The following RRM2 variants were observed in gnomAD, a reference collection of about 807,000 sequenced individuals.
RRM2 encodes ribonucleotide reductase regulatory subunit M2.
Under a neutral mutation model 45.9 loss-of-function variants are expected in RRM2, and 6 were observed. The observed-to-expected ratio is 0.13, with a 90% CI of 0.07 to 0.26. RRM2 has a LOEUF of 0.26. Among genes scored for constraint, RRM2 ranks in the 10% least tolerant of loss-of-function variants. RRM2 has a pLI of 1.00. For missense variants in RRM2, 343 were observed against 489.5 expected, an observed-to-expected ratio of 0.70 and a Z score of 2.82; for synonymous variants, 177 against 173.0, an observed-to-expected ratio of 1.02 and a Z score of -0.18.
At chr2:10,207,117 T>C (rs143277598) in intron 3 of RRM2, among the ~76,000 whole-genome samples, 9 of 152,284 alleles carry the variant, frequency 5.9e-5, no homozygotes, top group African/African-American at 2.2e-4. Context: ...GCCCAGCGCC[T>C]CCTGGGACTT....
chr2:10,142,828 G>A (rs1001163506), intron 3 of RRM2, among the ~76,000 whole-genome samples: 3 of 152,168 alleles, frequency 2.0e-5, no homozygotes, highest in African/African-American at 7.2e-5. Flanking sequence ...CGGGCTCCCC[G>A]CTCACCTCTG....
intron 3 of RRM2, among the ~76,000 whole-genome samples, chr2:10,192,137 G>A (rs1179706537): frequency 3.3e-5 from 5 of 151,836 alleles, no homozygotes; most frequent in Non-Finnish European, 5.9e-5. Context: ...CGCAGCCACC[G>A]TCCCAAGAGA....
chr2:10,200,121 C>T (rs1325949254), intron 3 of RRM2, among the ~76,000 whole-genome samples: 1 of 152,164 alleles, frequency 6.6e-6, no homozygotes, highest in East Asian at 1.9e-4. Context: ...AAGTGAACCA[C>T]CGCACCCAGC....
chr2:10,191,363 T>A (rs1403594109), intron 3 of RRM2, among the ~76,000 whole-genome samples: 1 of 152,178 alleles, frequency 6.6e-6, no homozygotes, highest in Admixed American at 6.5e-5. Context: ...CTTAGGAAGG[T>A]TAATAAGATC....
rs1437439946 is a variant in RRM2, at chr2:10,205,018, C to T, written n.483-5293C>T. On this transcript the variant is annotated intron_variant and non_coding_transcript_variant, in intron 3 of 3. Transcript: ENST00000381786. This position sits in a 1 kb window ranked among gnomAD's most constrained non-coding sequence, Gnocchi z 4.8. ...TGAGCAAAGTCAGACGCAGTGGTTA[C>T]AAGCAACCCCACGTGGTCTGCTTCG... Among the ~76,000 whole-genome samples, 3 of 152,246 alleles carry T rather than the reference C, an allele frequency of 2.0e-5. No individual in the cohort carries two copies. The highest frequency in any genetic ancestry group is 7.2e-5 in the African/African-American group (3 of 41,462).
At chr2:10,173,643 G>A (rs769610173) in intron 3 of RRM2, among the ~76,000 whole-genome samples, 18 of 152,264 alleles carry the variant, frequency 1.2e-4, no homozygotes, top group Non-Finnish European at 1.5e-5. Flanking sequence ...GAAGGAGAGC[G>A]AGGAGAGAGG....
chr2:10,190,779 A>G (rs1027617129), intron 3 of RRM2, among the ~76,000 whole-genome samples: 14 of 142,128 alleles, frequency 9.9e-5, no homozygotes, highest in Non-Finnish European at 1.5e-4. Context: ...GATGGTGGCA[A>G]TGGTGGTGGT....
In RRM2 at chr2:10,169,705, CA is replaced by C. The variant is rs1663756851; in HGVS notation, n.482+27331del. On this transcript the variant is annotated intron_variant and non_coding_transcript_variant, in intron 3 of 3. Transcript: ENST00000381786. The surrounding 1 kb of genome is among the most constrained non-coding windows in gnomAD (Gnocchi z 5.1). The stretch of plus-strand genomic sequence containing the variant: ...TCTGCACAGCCCTGAGTGCTCATGC[CA>C]TGAAAATGAGTGTCTCTGAGTTTGG... Among the ~76,000 whole-genome samples, 2 of 152,156 alleles carry C rather than the reference CA, an allele frequency of 1.3e-5. No individual in the cohort carries two copies. Among genetic ancestry groups the C allele is most frequent in the African/African-American group, 4.8e-5 (2 of 41,430 alleles).
intron 3 of RRM2, among the ~76,000 whole-genome samples, chr2:10,203,440 G>A (rs1346479961): frequency 6.6e-6 from 1 of 152,114 alleles, no homozygotes; most frequent in Non-Finnish European, 1.5e-5. Context: ...TGTTCTTGGG[G>A]GGTAAATGAA....
At chr2:10,164,067 CGTGT>C (rs1663629639) in intron 3 of RRM2, among the ~76,000 whole-genome samples, 1 of 151,462 alleles carries the variant, frequency 6.6e-6, no homozygotes, top group Non-Finnish European at 1.5e-5. Flanking sequence ...CATGAGTGAA[CGTGT>C]GTGTGAGTGT....
intron 3 of RRM2, among the ~76,000 whole-genome samples, chr2:10,206,704 T>G (rs1004145519): frequency 3.3e-5 from 5 of 152,258 alleles, no homozygotes; most frequent in Admixed American, 3.3e-4. Flanking sequence ...AAATCCATAT[T>G]TAGATCCATC....
At chr2:10,161,446 C>G (rs943645665) in intron 3 of RRM2, among the ~76,000 whole-genome samples, 3 of 152,220 alleles carry the variant, frequency 2.0e-5, no homozygotes, top group Non-Finnish European at 4.4e-5. Flanking sequence ...CTCCACCACC[C>G]GCGTGCACGA....
chr2:10,194,902 G>A (rs1245215206), intron 3 of RRM2, among the ~76,000 whole-genome samples: 7 of 152,136 alleles, frequency 4.6e-5, no homozygotes, highest in Non-Finnish European at 1.0e-4. Context: ...AGGCTGCCTT[G>A]TGCCTGATCT....
chr2:10,168,507 G>T (rs541825528), intron 3 of RRM2, among the ~76,000 whole-genome samples: 1 of 152,066 alleles, frequency 6.6e-6, no homozygotes, highest in Non-Finnish European at 1.5e-5. Context: ...TCTGCTTTTA[G>T]TCAGATAAGG....
chr2:10,182,375 A>AAC (rs1352039515), intron 3 of RRM2, among the ~76,000 whole-genome samples: 30 of 146,438 alleles, frequency 2.0e-4, no homozygotes, highest in Non-Finnish European at 3.0e-4. Context: ...ACAAAAAAAA[A>AAC]CCCAAAAAAA....
At position 10,195,628 on chromosome 2, in the gene RRM2, C is replaced by T. The variant is rs967140493; in HGVS notation, n.483-14683C>T. 1.3e-5 allele frequency among the ~76,000 whole-genome samples: 2 copies of T among 152,118 alleles called. No individual in the cohort carries two copies. The highest frequency in any genetic ancestry group is 3.9e-4 in the East Asian group (2 of 5,180). ...GGGTGGGAAGCGAGGGAGAAGAGGT[C>T]GCGGTGAGCCTCGGGTGGACCCATG... On this transcript the variant is annotated intron_variant and non_coding_transcript_variant, in intron 3 of 3. Coordinates refer to the RRM2 transcript ENST00000381786. This position sits in a 1 kb window ranked among gnomAD's most constrained non-coding sequence, Gnocchi z 4.9.
rs1662801332 is a variant in RRM2 at position 10,127,349 on chromosome 2, A to G, written c.798+129A>G. Reference sequence around the variant, plus strand: ...ACATTTAATGTGTGAGTTCAACCATACACATACTTGACAAAAGAAGGAAAT... The same window carrying G: ...ACATTTAATGTGTGAGTTCAACCATGCACATACTTGACAAAAGAAGGAAAT... On this transcript the variant is annotated intron_variant, in intron 7 of 9. Coordinates refer to ENST00000304567, the MANE Select transcript of RRM2 (RefSeq NM_001034.4). The surrounding 1 kb of genome is among the most constrained non-coding windows in gnomAD (Gnocchi z 4.1). The G allele has an allele frequency of 2.3e-6, 2 of 870,632 alleles. No individual in the cohort carries two copies. The highest frequency in any genetic ancestry group is 1.7e-5 in the African/African-American group (1 of 58,902). 53.9% of individuals were successfully genotyped at this position (870,632 alleles called of 1,614,324 possible). A position where few individuals can be genotyped will look rare whatever the true frequency, so the allele number is the denominator to read the frequency against.
chr2:10,123,726 C>T lies in RRM2; in HGVS notation c.319-10C>T. 5.8e-6 allele frequency: 9 copies of T among 1,550,020 alleles called. No homozygotes were observed. Among genetic ancestry groups the T allele is most frequent in the East Asian group, 2.2e-5 (1 of 44,596 alleles). ...CCTTTTATGCTAAAATTGTGACTTC[C>T]GAACCTCAGGTGGACCTCTCCAAGG... is the stretch of plus-strand genomic sequence containing the variant. On this transcript the variant is annotated splice_polypyrimidine_tract_variant and intron_variant, in intron 3 of 9. Coordinates refer to ENST00000304567, the MANE Select transcript of RRM2 (RefSeq NM_001034.4).
At chr2:10,140,051 A>G (rs564346720), upstream of RRM2, among the ~76,000 whole-genome samples, 1 of 152,210 alleles carries the variant, frequency 6.6e-6, no homozygotes, top group South Asian at 2.1e-4. Flanking sequence ...GATCGAGACC[A>G]TCCTGGCTAA....
Sources: gnomAD v4.1 joint callset for allele counts (sites outside exome capture counted in the v4.1 genomes callset) on GRCh38, gnomAD v4.1.1 for gene constraint, Gnocchi (gnomAD v3.1) non-coding constraint, MANE v1.5 for transcripts, NCBI Gene and HGNC (gene_info 2026-07-23, HGNC 2026-07-21) for gene names.